CDH23: variants seen among roughly 807,000 people sequenced by gnomAD.
The protein encoded by CDH23 is cadherin-23.
Under a neutral mutation model 317.1 loss-of-function variants are expected in CDH23, and 189 were observed. The ratio of observed to expected loss-of-function variants is 0.60; its 90% confidence interval spans 0.53 to 0.67. The LOEUF (loss-of-function observed/expected upper bound fraction) is 0.67, where lower values mean the gene tolerates loss of function less well. CDH23 is among the 30% of genes least tolerant of loss of function. The pLI, the probability that CDH23 is intolerant of heterozygous loss-of-function variation, is 0.00. For synonymous variants in CDH23, 1,839 were observed against 1,876.8 expected, an observed-to-expected ratio of 0.98 and a Z score of 0.52; for missense variants, 4,401 against 4,592.4, an observed-to-expected ratio of 0.96 and a Z score of 1.20.
At chr10:71,501,942 T>G (rs555107062) in intron 3 of CDH23, among the ~76,000 whole-genome samples, 3 of 152,326 alleles carry the variant, frequency 2.0e-5, no homozygotes, top group South Asian at 4.1e-4. Flanking sequence ...CAGAAAACCC[T>G]GGCCATACCC....
Position 71,461,804 on chromosome 10 carries a change from C to T in CDH23, c.145+15409C>T, listed in dbSNP as rs549136907. On this transcript the variant is annotated intron_variant, in intron 3 of 69. Coordinates refer to ENST00000224721, the MANE Select transcript of CDH23 (RefSeq NM_022124.6). ...GTGCAAAGTCAGAGCGTTCATTACACATCAGCACCAAGGTTATAGTCCAAC... is the reference window on the plus strand; with the variant it reads ...GTGCAAAGTCAGAGCGTTCATTACATATCAGCACCAAGGTTATAGTCCAAC... Among the ~76,000 whole-genome samples, 10 of 152,364 alleles carry T rather than the reference C, an allele frequency of 6.6e-5. 1 individual carries two copies. In the South Asian group the frequency reaches 2.1e-3, roughly 32 times the overall value.
rs566452419 is a variant in CDH23, at chr10:71,803,084, C to T, written c.7660+9C>T. On this transcript the variant is annotated intron_variant, in intron 54 of 69. Coordinates refer to ENST00000224721, the MANE Select transcript of CDH23 (RefSeq NM_022124.6). ...TGAGGGCCCTGGCGTGGGTATGTGGCCTTCCTTGGACACCCATGATGTCTT... is the reference window on the plus strand; with the variant it reads ...TGAGGGCCCTGGCGTGGGTATGTGGTCTTCCTTGGACACCCATGATGTCTT... The T allele has an allele frequency of 3.1e-6, 5 of 1,605,648 alleles. No individual in the cohort carries two copies. In the South Asian group the frequency reaches 5.5e-5, roughly 18 times the overall value.
chr10:71,429,409 G>A (rs1361005743), intron 1 of CDH23, among the ~76,000 whole-genome samples: 1 of 152,186 alleles, frequency 6.6e-6, no homozygotes, highest in African/African-American at 2.4e-5. Context: ...ATGCTACTGT[G>A]GAGCTTGGGC....
At chr10:71,550,026 C>T (rs961156229) in intron 6 of CDH23, among the ~76,000 whole-genome samples, 1 of 152,190 alleles carries the variant, frequency 6.6e-6, no homozygotes, top group Non-Finnish European at 1.5e-5. Context: ...CAGATGGAAA[C>T]TTCTCTTTGG....
chr10:71,415,455 C>CA (rs1244108793), intron 1 of CDH23, among the ~76,000 whole-genome samples: 1 of 151,942 alleles, frequency 6.6e-6, no homozygotes, highest in East Asian at 1.9e-4. Flanking sequence ...TTGATCTTTT[C>CA]AAAAAAACAA....
At chr10:71,692,720 T>C (rs79823476) in intron 20 of CDH23, among the ~76,000 whole-genome samples, 4,412 of 152,170 alleles carry the variant, frequency 0.029, 277 homozygotes, top group East Asian at 0.26. Context: ...GTAGAAGCAG[T>C]CCTAAAAGCA....
At chr10:71,468,467 C>T (rs1487541444) in intron 3 of CDH23, among the ~76,000 whole-genome samples, 1 of 152,198 alleles carries the variant, frequency 6.6e-6, no homozygotes, top group African/African-American at 2.4e-5. Flanking sequence ...GATGCATGAT[C>T]CTTCCAGCCT....
chr10:71,428,908 T>C (rs920448358), intron 1 of CDH23, among the ~76,000 whole-genome samples: 12 of 152,212 alleles, frequency 7.9e-5, no homozygotes, highest in Admixed American at 3.3e-4. Context: ...GTATATCTTC[T>C]ATGGAGAAAT....
chr10:71,689,036 G>A (rs1370121488), intron 19 of CDH23, among the ~76,000 whole-genome samples: 5 of 105,788 alleles, frequency 4.7e-5, no homozygotes, highest in African/African-American at 1.8e-4. Flanking sequence ...GTGGAGTCAG[G>A]GGTGGTGGAG....
intron 38 of CDH23, among the ~76,000 whole-genome samples, chr10:71,770,233 G>A (rs1007469191): frequency 4.6e-5 from 7 of 152,214 alleles, no homozygotes; most frequent in East Asian, 3.8e-4. Flanking sequence ...ACGAGGAGCC[G>A]GGTGCTGTGT....
chr10:71,780,375 G>C (rs1840920074), intron 41 of CDH23, among the ~76,000 whole-genome samples: 1 of 152,196 alleles, frequency 6.6e-6, no homozygotes, highest in Non-Finnish European at 1.5e-5. Flanking sequence ...CCAAGCCGGA[G>C]GATGGGGAAT....
At chr10:71,463,988 G>A (rs971091774) in intron 3 of CDH23, among the ~76,000 whole-genome samples, 2 of 152,166 alleles carry the variant, frequency 1.3e-5, no homozygotes, top group Non-Finnish European at 2.9e-5. Flanking sequence ...ACTACTATAA[G>A]CCCTTTTAAT....
intron 3 of CDH23, among the ~76,000 whole-genome samples, chr10:71,493,959 A>G (rs1852809629): frequency 6.6e-6 from 1 of 152,238 alleles, no homozygotes; most frequent in South Asian, 2.1e-4. Flanking sequence ...CTGTGGTTGA[A>G]CATATCACCA....
In CDH23 at chr10:71,793,221, G is replaced by A; in HGVS notation, c.6293G>A (p.Ser2098Asn). Reference protein sequence around the residue: ...VLQVTATDEDSGLNGELVYRI... With the variant: ...VLQVTATDEDNGLNGELVYRI... The stretch of plus-strand genomic sequence containing the variant: ...CAAGTCACAGCCACAGATGAGGACA[G>A]TGGCCTCAATGGGGAGCTGGTCTAC... Residue 2098 changes from serine (S) to asparagine (N), a missense_variant, in exon 48 of 70, where the codon AGT becomes AAT. Ser to Asn is a conservative substitution (Grantham distance 46, BLOSUM62 1). This residue lies in a region of CDH23 where 3,068 missense variants were observed against 3,203.3 expected (regional missense o/e 0.96). Coordinates refer to ENST00000224721, the MANE Select transcript of CDH23 (RefSeq NM_022124.6). 6.2e-7 allele frequency: 1 copy of A among 1,613,814 alleles called. No homozygotes were observed. The highest frequency in any genetic ancestry group is 8.5e-7 in the Non-Finnish European group (1 of 1,179,836).
rs1564779298 is a variant in CDH23 at position 71,759,900 on chromosome 10, T to TATATACACACACAC, written c.4846-17774_4846-17761dup. Among the ~76,000 whole-genome samples, 2 of 44,972 alleles carry TATATACACACACAC rather than the reference T, an allele frequency of 4.4e-5. 1 individual carries two copies. Among genetic ancestry groups the TATATACACACACAC allele is most frequent in the African/African-American group, 1.4e-4 (2 of 14,726 alleles). The allele number at this position is 44,972 out of a possible 152,430, so 29.5% of individuals were successfully genotyped here. A position where few individuals can be genotyped will look rare whatever the true frequency, so the allele number is the denominator to read the frequency against. ...ACACACACACATATACACACACACA[T>TATATACACACACAC]ATATACACACACACATATATACACA... On this transcript the variant is annotated intron_variant, in intron 38 of 69. Coordinates refer to ENST00000224721, the MANE Select transcript of CDH23 (RefSeq NM_022124.6).
At chr10:71,603,980 G>A (rs1860385170) in intron 9 of CDH23, among the ~76,000 whole-genome samples, 1 of 152,366 alleles carries the variant, frequency 6.6e-6, no homozygotes, top group South Asian at 2.1e-4. Context: ...GGGGCAAGCA[G>A]CATGTGGACT....
intron 6 of CDH23, among the ~76,000 whole-genome samples, chr10:71,563,659 T>C (rs1857242343): frequency 6.6e-6 from 1 of 152,154 alleles, no homozygotes; most frequent in Non-Finnish European, 1.5e-5. Flanking sequence ...ATTTATCGAG[T>C]GTTGCTCAGT....
At chr10:71,778,362 G>T in intron 40 of CDH23, 54 bp downstream of exon 40, 1 of 1,607,856 alleles carries the variant, frequency 6.2e-7, no homozygotes, top group South Asian at 1.1e-5. Context: ...CGAAGGATGG[G>T]ACCCAGAAAG....
At chr10:71,413,401 G>A (rs1390337742) in intron 1 of CDH23, among the ~76,000 whole-genome samples, 1 of 152,148 alleles carries the variant, frequency 6.6e-6, no homozygotes, top group Non-Finnish European at 1.5e-5. Context: ...TTTTGAAATA[G>A]AAAGTGTGAG....
Sources: gnomAD v4.1 joint callset for allele counts (sites outside exome capture counted in the v4.1 genomes callset) on GRCh38, gnomAD v4.1.1 for gene constraint, gnomAD v4.1.1 regional missense constraint, MANE v1.5 for transcripts, NCBI Gene and HGNC (gene_info 2026-07-23, HGNC 2026-07-21) for gene names.